The following NLGN4Y variants were observed in gnomAD, a reference collection of about 807,000 sequenced individuals.
The protein encoded by NLGN4Y is neuroligin 4 Y-linked, also known as neuroligin-4, Y-linked.
In NLGN4Y, 4 loss-of-function variants were observed where a neutral mutation model predicts 8.4. That is an observed-to-expected ratio of 0.48 (90% CI 0.23 to 1.09). The LOEUF (loss-of-function observed/expected upper bound fraction) is 1.09. Among genes scored for constraint, NLGN4Y ranks in the 50% least tolerant of loss-of-function variants. NLGN4Y has a pLI of 0.19. For missense variants in NLGN4Y, 90 were observed against 192.3 expected, an observed-to-expected ratio of 0.47 and a Z score of 3.15; for synonymous variants, 35 against 75.6, an observed-to-expected ratio of 0.46 and a Z score of 2.78.
chrY:14,757,784 C>G, intron 4 of NLGN4Y, among the ~76,000 whole-genome samples: 2 of 33,913 alleles, frequency 5.9e-5, no homozygotes, highest in Non-Finnish European at 1.5e-4. Context: ...AGATCTTGCT[C>G]TGTTACGCAG....
intron 4 of NLGN4Y, among the ~76,000 whole-genome samples, chrY:14,758,361 G>C: frequency 3.0e-5 from 1 of 33,811 alleles, no homozygotes; most frequent in Non-Finnish European, 7.3e-5. Context: ...TATGAAGGTA[G>C]ATTACAAGTC....
At chrY:14,553,566 C>CTGTG (rs557062506) in intron 1 of NLGN4Y, among the ~76,000 whole-genome samples, 51 of 21,727 alleles carry the variant, frequency 2.3e-3, no homozygotes, top group East Asian at 8.8e-3. Flanking sequence ...GGTACCAAAA[C>CTGTG]TGTGTGTGTG....
chrY:14,527,830 A>C, intron 1 of NLGN4Y, among the ~76,000 whole-genome samples: 1 of 33,460 alleles, frequency 3.0e-5, no homozygotes, highest in Admixed American at 2.7e-4. Flanking sequence ...TAAACAACCT[A>C]CATTTGGACT....
chrY:14,542,099 T>C, intron 1 of NLGN4Y, among the ~76,000 whole-genome samples: 1 of 33,048 alleles, frequency 3.0e-5, no homozygotes, highest in Non-Finnish European at 7.5e-5. Flanking sequence ...AGTAAAGGGA[T>C]GGAGGAATAT....
intron 2 of NLGN4Y, among the ~76,000 whole-genome samples, chrY:14,658,046 A>G: frequency 3.0e-5 from 1 of 33,477 alleles, no homozygotes; most frequent in East Asian, 7.9e-4. Flanking sequence ...CAGATATGTT[A>G]CAAGGGTATA....
At chrY:14,747,307 G>A in intron 4 of NLGN4Y, among the ~76,000 whole-genome samples, 1 of 31,741 alleles carries the variant, frequency 3.2e-5, no homozygotes, top group Non-Finnish European at 7.6e-5. Context: ...GTTATTTCCC[G>A]GGAGATCTGG....
At chrY:14,738,965 C>G (rs765461960) in intron 4 of NLGN4Y, among the ~76,000 whole-genome samples, 1 of 32,778 alleles carries the variant, frequency 3.1e-5, no homozygotes, top group Non-Finnish European at 7.5e-5. Flanking sequence ...TCAGAAATAA[C>G]ATTTGTTATC....
chrY:14,551,562 T>C, intron 1 of NLGN4Y, among the ~76,000 whole-genome samples: 2 of 33,423 alleles, frequency 6.0e-5, no homozygotes, highest in African/African-American at 2.3e-4. Context: ...TACAAAAGAA[T>C]GTAAATCATA....
At chrY:14,731,886 T>TC (rs1420992818) in intron 4 of NLGN4Y, among the ~76,000 whole-genome samples, 6 of 30,427 alleles carry the variant, frequency 2.0e-4, no homozygotes, top group Non-Finnish European at 2.5e-4. Flanking sequence ...TAAAATGCTT[T>TC]CCCCCCCAAA....
intron 1 of NLGN4Y, among the ~76,000 whole-genome samples, chrY:14,571,183 A>G (rs2080268056): frequency 3.0e-5 from 1 of 33,593 alleles, no homozygotes; most frequent in Admixed American, 2.7e-4. Flanking sequence ...ACTGACTTCC[A>G]CAATGGTTGA....
chrY:14,824,143 A>T (rs767824971), intron 4 of NLGN4Y, 45 bp from the exon 5 acceptor site: 8 of 383,026 alleles, frequency 2.1e-5, no homozygotes, highest in Non-Finnish European at 3.0e-5. Context: ...GGGGATGTGT[A>T]CACAATTTTT....
intron 2 of NLGN4Y, among the ~76,000 whole-genome samples, chrY:14,650,066 G>A: frequency 3.0e-5 from 1 of 33,289 alleles, no homozygotes; most frequent in Non-Finnish European, 7.4e-5. Context: ...ATTTACATTC[G>A]TGTAAATAGA....
At chrY:14,548,221 G>A (rs767176333) in intron 1 of NLGN4Y, among the ~76,000 whole-genome samples, 26 of 32,813 alleles carry the variant, frequency 7.9e-4, no homozygotes, top group African/African-American at 3.1e-3. Context: ...GGCCAAAGTA[G>A]GAGGATGACT....
intron 2 of NLGN4Y, among the ~76,000 whole-genome samples, chrY:14,649,037 C>A (rs112387767): frequency 3.9e-3 from 124 of 31,882 alleles, no homozygotes; most frequent in African/African-American, 0.014. Context: ...TTTTCTTTCC[C>A]CCACAGTTGT....
At chrY:14,527,209 A>C in intron 1 of NLGN4Y, among the ~76,000 whole-genome samples, 2 of 34,054 alleles carry the variant, frequency 5.9e-5, no homozygotes, top group Non-Finnish European at 1.5e-4. Context: ...CCACACTTCA[A>C]ACCTTTCCTA....
chrY:14,719,790 T>C (rs371338085), intron 3 of NLGN4Y, among the ~76,000 whole-genome samples: 1 of 32,466 alleles, frequency 3.1e-5, no homozygotes, highest in African/African-American at 1.2e-4. Context: ...CACCTTTTTT[T>C]TTTTTCTTTT....
At chrY:14,834,416 G>A (rs967620572) in intron 6 of NLGN4Y, among the ~76,000 whole-genome samples, 2 of 33,878 alleles carry the variant, frequency 5.9e-5, no homozygotes, top group Non-Finnish European at 1.5e-4. Flanking sequence ...GAGGTAATGA[G>A]AGCCTGAATG....
chrY:14,785,582 G>A, intron 4 of NLGN4Y, among the ~76,000 whole-genome samples: 1 of 32,898 alleles, frequency 3.0e-5, no homozygotes, highest in East Asian at 7.9e-4. Context: ...GGCTAACACG[G>A]TGAAACCCCG....
intron 5 of NLGN4Y, among the ~76,000 whole-genome samples, chrY:14,827,936 A>G (rs560603202): frequency 0.082 from 2,734 of 33,292 alleles, no homozygotes; most frequent in Non-Finnish European, 0.03. Flanking sequence ...TACAAGATCA[A>G]AAGGAGATGA....
Sources: allele counts gnomAD v4.1 joint callset (sites outside exome capture counted in the v4.1 genomes callset), GRCh38; gene constraint gnomAD v4.1.1; transcripts MANE v1.5; gene names NCBI Gene and HGNC (gene_info 2026-07-23, HGNC 2026-07-21).